The following CASR variants were observed in gnomAD, a reference collection of about 807,000 sequenced individuals.
The protein encoded by CASR is extracellular calcium-sensing receptor.
CASR carries 23 observed loss-of-function variants against 69.1 expected under a neutral mutation model. The ratio of observed to expected loss-of-function variants is 0.33; its 90% CI spans 0.24 to 0.47. The LOEUF is 0.47. Ranked by LOEUF, CASR falls within the 20% of genes least tolerant of loss-of-function variation. The probability of loss-of-function intolerance (pLI) is 1.00; values close to 1 mark genes in which losing one functional copy is unlikely to be tolerated. For missense variants in CASR, 924 were observed against 1,356.1 expected (o/e 0.68, Z 5.00); for synonymous variants, 541 against 544.7 (o/e 0.99, Z 0.10).
At chr3:122,197,735 A>G (rs533138059) in intron 1 of CASR, among the ~76,000 whole-genome samples, 15 of 152,188 alleles carry the variant, frequency 9.9e-5, no homozygotes, top group Non-Finnish European at 1.5e-4. Flanking sequence ...CCCTTCTTTC[A>G]GGCTTCAAGA....
At chr3:122,246,542 G>A (rs1333330462) in intron 1 of CASR, 1 of 152,138 alleles carries the variant, frequency 6.6e-6, no homozygotes, top group Non-Finnish European at 1.5e-5. Flanking sequence ...AAATAATTTT[G>A]GCCAGGTTTT....
At chr3:122,256,238 G>A (rs1163563589) in intron 2 of CASR, among the ~76,000 whole-genome samples, 2 of 152,070 alleles carry the variant, frequency 1.3e-5, no homozygotes, top group African/African-American at 2.4e-5. Context: ...GATCATTCAC[G>A]TCCCTTTCCC....
chr3:122,191,859 A>G (rs1553309), intron 1 of CASR, among the ~76,000 whole-genome samples: 63,211 of 152,072 alleles, frequency 0.42, 13,888 homozygotes, highest in African/African-American at 0.52. Flanking sequence ...AATAAGGGAA[A>G]CATTTTTACA....
rs117375173 is a variant in CASR, at chr3:122,283,729, A to G, written c.1775A>G (p.Asn592Ser). The G allele has an allele frequency of 1.1e-3, 1,752 of 1,614,178 alleles. 36 individuals are homozygous for G. The East Asian group carries it at 0.031, about 29-fold the overall frequency. The change falls in exon 7 of 7, where the codon AAT becomes AGT. Residue 592 changes from asparagine to serine, a missense_variant. Around this residue, in one of 8 missense-constraint regions of CASR, gnomAD observed 18 missense variants for 57.9 expected, o/e 0.31. Coordinates refer to ENST00000639785, the MANE Select transcript of CASR (RefSeq NM_000388.4). ...CNKCPDDFWS[N>S]ENHTSCIAKE... ...AAGTGCCCAGATGACTTCTGGTCCA[A>G]TGAGAACCACACCTCCTGCATTGCC...
chr3:122,205,263 C>G (rs1286073057), intron 1 of CASR, among the ~76,000 whole-genome samples: 3 of 151,968 alleles, frequency 2.0e-5, no homozygotes, highest in African/African-American at 7.2e-5. Context: ...TGGTGAGAGA[C>G]AGGAGTCTAG....
At chr3:122,277,233 G>A (rs1248703646) in intron 5 of CASR, among the ~76,000 whole-genome samples, 2 of 151,874 alleles carry the variant, frequency 1.3e-5, no homozygotes, top group African/African-American at 2.4e-5. Context: ...TTTTAGTAGA[G>A]ACGGGGTTTC....
rs2074894470 is a variant in CASR, at chr3:122,282,026, T to A, written c.1609-87T>A. 84 of 1,592,836 alleles carry A rather than the reference T, an allele frequency of 5.3e-5. No homozygotes were observed. In the South Asian group the frequency reaches 8.8e-4, roughly 17 times the overall value. ...ACACTGATTCTTGTGCCCAAACTCC[T>A]CCCTCTTACATGTTTTGAAGAGACA... On this transcript the variant is annotated intron_variant, in intron 5 of 6. Coordinates refer to ENST00000639785, the MANE Select transcript of CASR (RefSeq NM_000388.4).
chr3:122,238,366 G>A (rs571771151), intron 1 of CASR, among the ~76,000 whole-genome samples: 25 of 152,338 alleles, frequency 1.6e-4, no homozygotes, highest in African/African-American at 6.0e-4. Flanking sequence ...GGAGCATTTG[G>A]ACCAGCCCTA....
chr3:122,282,533 T>TC (rs565226492), intron 6 of CASR, among the ~76,000 whole-genome samples: 178 of 152,362 alleles, frequency 1.2e-3, no homozygotes, highest in African/African-American at 4.1e-3. Flanking sequence ...ATGGACACAG[T>TC]TATGTCTGCT....
chr3:122,284,610 C>T lies in CASR; in HGVS notation c.2656C>T (p.Arg886Trp), dbSNP rs1559969429. The T allele has an allele frequency of 1.2e-6, 2 of 1,614,062 alleles. No homozygotes were observed. The highest frequency in any genetic ancestry group is 8.5e-7 in the Non-Finnish European group (1 of 1,179,990). The change falls in exon 7 of 7, where the codon CGG becomes TGG. Residue 886 changes from arginine to tryptophan, a missense_variant. Physicochemically the swap from Arg to Trp is moderately radical, Grantham distance 101. Coordinates refer to ENST00000639785, the MANE Select transcript of CASR (RefSeq NM_000388.4). ...AGCTCACGCTTTCAAGGTGGCTGCCCGGGCCACGCTGCGCCGCAGCAACGT... is the reference window on the plus strand; with the variant it reads ...AGCTCACGCTTTCAAGGTGGCTGCCTGGGCCACGCTGCGCCGCAGCAACGT... ...TAAHAFKVAA[R>W]ATLRRSNVSR...
chr3:122,188,219 A>G (rs2073805473), intron 1 of CASR, among the ~76,000 whole-genome samples: 1 of 152,240 alleles, frequency 6.6e-6, no homozygotes, highest in Non-Finnish European at 1.5e-5. Context: ...GATAATGGTA[A>G]TGATGGCCTG....
chr3:122,200,780 A>G (rs539170248), intron 1 of CASR, among the ~76,000 whole-genome samples: 1 of 152,284 alleles, frequency 6.6e-6, no homozygotes, highest in East Asian at 1.9e-4. Context: ...TTATTAGACA[A>G]TGCAAAATGG....
At chr3:122,202,091 G>C (rs562785550) in intron 1 of CASR, among the ~76,000 whole-genome samples, 23 of 152,154 alleles carry the variant, frequency 1.5e-4, no homozygotes, top group Middle Eastern at 6.8e-3. Context: ...AGGTTGTAGC[G>C]AGCCGAGATC....
chr3:122,241,446 A>C (rs574477439), intron 1 of CASR, among the ~76,000 whole-genome samples: 6 of 152,188 alleles, frequency 3.9e-5, no homozygotes, highest in African/African-American at 1.4e-4. Context: ...TAGATAAATT[A>C]ATTGAAACAT....
At chr3:122,201,207 C>G (rs188163894) in intron 1 of CASR, among the ~76,000 whole-genome samples, 100 of 152,166 alleles carry the variant, frequency 6.6e-4, no homozygotes, top group Non-Finnish European at 9.9e-4. Context: ...CGACTCCCAA[C>G]GAGCATGTTG....
At chr3:122,219,323 T>C (rs2074148700) in intron 1 of CASR, among the ~76,000 whole-genome samples, 1 of 152,104 alleles carries the variant, frequency 6.6e-6, no homozygotes, top group South Asian at 2.1e-4. Flanking sequence ...ATCAGAGGGA[T>C]TTTAACAAAC....
intron 1 of CASR, among the ~76,000 whole-genome samples, chr3:122,239,477 G>A (rs1028273881): frequency 1.4e-4 from 21 of 152,226 alleles, no homozygotes; most frequent in African/African-American, 4.3e-4. Context: ...CCCACCCAAC[G>A]CCTGGGGGAA....
At chr3:122,197,799 C>G (rs2073904704) in intron 1 of CASR, among the ~76,000 whole-genome samples, 1 of 152,162 alleles carries the variant, frequency 6.6e-6, no homozygotes, top group South Asian at 2.1e-4. Context: ...GCTGTCATCA[C>G]TTTGATCATC....
chr3:122,194,293 G>T (rs1264218660), intron 1 of CASR, among the ~76,000 whole-genome samples: 1 of 151,986 alleles, frequency 6.6e-6, no homozygotes, highest in Non-Finnish European at 1.5e-5. Context: ...TATGCATTTG[G>T]TTTTTTTCAC....
Sources: gnomAD v4.1 joint callset for allele counts (sites outside exome capture counted in the v4.1 genomes callset) on GRCh38, gnomAD v4.1.1 for gene constraint, gnomAD v4.1.1 regional missense constraint, MANE v1.5 for transcripts, NCBI Gene and HGNC (gene_info 2026-07-23, HGNC 2026-07-21) for gene names.